RBBP8NL: variants seen among roughly 807,000 people sequenced by gnomAD.
RBBP8NL encodes the protein RBBP8 N-terminal like, also known as RBBP8 N-terminal-like protein.
Under a neutral mutation model 62.2 loss-of-function variants are expected in RBBP8NL, and 59 were observed. The observed-to-expected ratio is 0.95, with a 90% CI of 0.77 to 1.18. RBBP8NL has a LOEUF of 1.18. RBBP8NL is among the 50% of genes most tolerant of loss of function. The pLI is 0.00. For missense variants in RBBP8NL, 896 were observed against 899.5 expected, an observed-to-expected ratio of 1.00 and a Z score of 0.05; for synonymous variants, 412 against 394.1, an observed-to-expected ratio of 1.05 and a Z score of -0.54.
intron 1 of RBBP8NL, among the ~76,000 whole-genome samples, chr20:62,426,328 G>A (rs949530770): frequency 6.6e-6 from 1 of 152,254 alleles, no homozygotes; most frequent in African/African-American, 2.4e-5. Flanking sequence ...AGGAAGCCAA[G>A]CTCAGAGTGG....
At chr20:62,418,531 C>T in intron 2 of RBBP8NL, 66 bp from the exon 3 acceptor site, 2 of 1,451,118 alleles carry the variant, frequency 1.4e-6, no homozygotes, top group Non-Finnish European at 1.9e-6. Context: ...GTGTCCCCAC[C>T]ACGGGGTCTG....
At chr20:62,413,751 G>A (rs1368299273) in intron 10 of RBBP8NL, 70 bp downstream of exon 10, 1 of 1,507,632 alleles carries the variant, frequency 6.6e-7, no homozygotes, top group East Asian at 2.3e-5. Context: ...CGAGGTCTGG[G>A]GGGAGGCCGG....
intron 1 of RBBP8NL, among the ~76,000 whole-genome samples, chr20:62,421,476 CA>C (rs1988698859): frequency 7.2e-6 from 1 of 138,508 alleles, no homozygotes; most frequent in Admixed American, 7.3e-5. Flanking sequence ...TGTGCATGCC[CA>C]AGTCAGTGTG....
At chr20:62,424,659 C>T (rs1227477306) in intron 1 of RBBP8NL, among the ~76,000 whole-genome samples, 1 of 152,198 alleles carries the variant, frequency 6.6e-6, no homozygotes, top group African/African-American at 2.4e-5. Flanking sequence ...GGCAGACCAC[C>T]TTCCACCTCA....
chr20:62,419,591 G>A lies in RBBP8NL; in HGVS notation c.57C>T (p.Val19=), dbSNP rs750971973. 6.2e-7 allele frequency: 1 copy of A among 1,613,562 alleles called. No homozygotes were observed. The highest frequency in any genetic ancestry group is 8.5e-7 in the Non-Finnish European group (1 of 1,179,906). The change falls in exon 2 of 14, where the codon GTC becomes GTT. Residue 19 remains valine (V), a synonymous_variant. Transcript: ENST00000252998. ...CATCTGTCCCTGGCCCCTCACCCAG[G>A]ACTTCCTTCTCGTGGATCTCCTTCA... ...NRLKEIHEKE[V]LGLQNKLLEL...
intron 1 of RBBP8NL, among the ~76,000 whole-genome samples, chr20:62,424,308 T>G (rs1601492115): frequency 6.6e-6 from 1 of 151,320 alleles, no homozygotes; most frequent in Non-Finnish European, 1.5e-5. Flanking sequence ...GGGGGGCAGG[T>G]GTGAGGGGCG....
chr20:62,414,371 G>T lies in RBBP8NL; in HGVS notation c.980C>A (p.Ala327Glu). ...TTCTGTGGGCTCCTCCCAGGCCTCT[G>T]CTTCTCTGGCCTTCAGGTCCTGGAG... ...PRLQDLKARE[A>E]EAWEEPTELL... The change falls in exon 10 of 14, where the codon GCA (alanine) becomes GAA (glutamate). Residue 327 changes from alanine (A) to glutamate (E), a missense_variant. By Grantham distance (107) the Ala-to-Glu change is moderately radical. Transcript: ENST00000252998. 6.5e-7 allele frequency: 1 copy of T among 1,548,214 alleles called. No homozygotes were observed. Among genetic ancestry groups the T allele is most frequent in the Non-Finnish European group, 8.7e-7 (1 of 1,144,074 alleles).
intron 1 of RBBP8NL, among the ~76,000 whole-genome samples, chr20:62,420,330 G>GA (rs1988670107): frequency 6.7e-6 from 1 of 150,166 alleles, no homozygotes; most frequent in Non-Finnish European, 1.5e-5. Context: ...TGCCGTGGCA[G>GA]CTTCAATCCT....
intron 1 of RBBP8NL, among the ~76,000 whole-genome samples, chr20:62,427,208 C>T (rs1988830127): frequency 6.6e-6 from 1 of 152,222 alleles, no homozygotes. Context: ...GCCCTGGTGC[C>T]AGACTAGGCC....
At chr20:62,413,328 A>G (rs1347980911) in intron 11 of RBBP8NL, 73 bp downstream of exon 11, 2 of 1,368,564 alleles carry the variant, frequency 1.5e-6, no homozygotes, top group East Asian at 2.8e-5. Context: ...CCTGGTGGGC[A>G]CTGACCACCA....
intron 1 of RBBP8NL, among the ~76,000 whole-genome samples, chr20:62,421,515 C>CCAGTGTGCATGTGTGTGCACACCCAAGT (rs1273885337): frequency 7.7e-6 from 1 of 130,596 alleles, no homozygotes; most frequent in African/African-American, 3.1e-5. Flanking sequence ...TGTGTGATAG[C>CCAGTGTGCATGTGTGTGCACACCCAAGT]CAGTGTGCAT....
chr20:62,415,114 C>T lies in RBBP8NL; in HGVS notation c.794+7G>A, dbSNP rs911079. 427,027 of 1,458,112 alleles carry T rather than the reference C, an allele frequency of 0.29. 65,437 individuals are homozygous for T. The highest frequency in any genetic ancestry group is 0.5 in the East Asian group (19,336 of 38,986). The allele number at this position is 1,458,112 out of a possible 1,614,324, so 90.3% of individuals were successfully genotyped here. A position where few individuals can be genotyped will look rare whatever the true frequency, so the allele number is the denominator to read the frequency against. ...CTACTCTGGGTGAGGGTGGGGCAGGCGGGCACCTGTCCAGGGAGAGGCCAC... is the reference window on the plus strand; with the variant it reads ...CTACTCTGGGTGAGGGTGGGGCAGGTGGGCACCTGTCCAGGGAGAGGCCAC... On this transcript the variant is annotated splice_region_variant and intron_variant, in intron 9 of 13. Coordinates refer to ENST00000252998, the MANE Select transcript of RBBP8NL (RefSeq NM_080833.3).
chr20:62,412,345 CCTAA>C (rs768311119), intron 13 of RBBP8NL, among the ~76,000 whole-genome samples: 13 of 152,176 alleles, frequency 8.5e-5, no homozygotes, highest in Non-Finnish European at 1.3e-4. Context: ...TCCTACGATC[CCTAA>C]TGTCAGCCCC....
rs535777993 is a variant in RBBP8NL at position 62,412,829 on chromosome 20, C to T, written c.1746+1G>A. 3 of 1,613,478 alleles carry T rather than the reference C, an allele frequency of 1.9e-6. No homozygotes were observed. The highest frequency in any genetic ancestry group is 1.1e-5 in the South Asian group (1 of 91,092). On this transcript the variant is annotated splice_donor_variant, in intron 12 of 13. Transcript: ENST00000252998. LOFTEE classifies it high-confidence loss of function. ...CTGCTGAGTGTGTGGCCTGGACCCACCTCGCTGCCTGGGGTGTCTGTCTCA... is the reference window on the plus strand; with the variant it reads ...CTGCTGAGTGTGTGGCCTGGACCCATCTCGCTGCCTGGGGTGTCTGTCTCA...
At position 62,410,943 on chromosome 20, in the gene RBBP8NL, C is replaced by T. The variant is rs141000397; in HGVS notation, c.1930G>A (p.Gly644Arg). ...RRKLTATEGP[G>R]SPRDAEDHSP... ...TGGTCCTCGGCGTCCCTTGGGCTCC[C>T]GGGCCCCTCAGTGGCTGTCAGTTTC... Residue 644 changes from glycine (G) to arginine (R), a missense_variant, in exon 14 of 14, where the codon GGG becomes AGG. Transcript: ENST00000252998. 1.1e-4 allele frequency: 184 copies of T among 1,613,612 alleles called. No individual in the cohort carries two copies. Among genetic ancestry groups the T allele is most frequent in the Middle Eastern group, 1.6e-4 (1 of 6,078 alleles).
At chr20:62,415,480 G>T in intron 8 of RBBP8NL, 98 bp downstream of exon 8, 1 of 1,433,684 alleles carries the variant, frequency 7.0e-7, no homozygotes, top group South Asian at 1.2e-5. Flanking sequence ...TCAGGGTTAG[G>T]CGCATGAGAG....
At chr20:62,414,663 CTG>C in intron 9 of RBBP8NL, 107 bp from the exon 10 acceptor site, 1 of 1,305,432 alleles carries the variant, frequency 7.7e-7, no homozygotes. Flanking sequence ...GGCGAGGAAA[CTG>C]AGGTCCAGAG....
chr20:62,410,896 G>T lies in RBBP8NL; in HGVS notation c.1977C>A (p.Ser659Arg), dbSNP rs760359928. The stretch of plus-strand genomic sequence containing the variant: ...AGGCTGGCTAGGTCTCCTCCCAGGG[G>T]CTGCTGTTGGGGGAGGGACTGTGGT... ...AEDHSPSPNS[S>R]PWEET is the part of the protein sequence containing the mutation. Residue 659 changes from serine to arginine, a missense_variant, in exon 14 of 14, where the codon AGC (serine) becomes AGA (arginine). By Grantham distance (110) the Ser-to-Arg change is moderately radical. Coordinates refer to ENST00000252998, the MANE Select transcript of RBBP8NL (RefSeq NM_080833.3). 1.2e-6 allele frequency: 2 copies of T among 1,612,388 alleles called. No individual in the cohort carries two copies.
rs142404007 is a variant in RBBP8NL at position 62,412,894 on chromosome 20, C to T, written c.1682G>A (p.Ser561Asn). The part of the protein sequence containing the change: ...PPDLDGHPEP[S>N]KAEVLRPESD... Reference sequence around the variant, plus strand: ...CTCTGGTCTCAGCACTTCAGCCTTGCTGGGCTCTGAAGGATGCAGAGTGTG... The same window carrying T: ...CTCTGGTCTCAGCACTTCAGCCTTGTTGGGCTCTGAAGGATGCAGAGTGTG... Residue 561 changes from serine to asparagine, a missense_variant, in exon 12 of 14, where the codon AGC becomes AAC. By Grantham distance (46) the Ser-to-Asn change is conservative. Transcript: ENST00000252998. 1.5e-5 allele frequency: 24 copies of T among 1,613,108 alleles called. No individual in the cohort carries two copies. Among genetic ancestry groups the T allele is most frequent in the Non-Finnish European group, 1.9e-5 (23 of 1,180,006 alleles).
Sources: allele counts gnomAD v4.1 joint callset (sites outside exome capture counted in the v4.1 genomes callset), GRCh38; gene constraint gnomAD v4.1.1; transcripts MANE v1.5; gene names NCBI Gene and HGNC (gene_info 2026-07-23, HGNC 2026-07-21).